MAN1A1: variants seen among roughly 807,000 people sequenced by gnomAD.
MAN1A1 encodes the protein mannosidase alpha class 1A member 1, also known as mannosyl-oligosaccharide 1,2-alpha-mannosidase IA.
In MAN1A1, 29 loss-of-function variants were observed where a neutral mutation model predicts 70.8. That is an observed-to-expected ratio of 0.41 (90% CI 0.31 to 0.56). The LOEUF is 0.56. Among genes scored for constraint, MAN1A1 ranks in the 20% least tolerant of loss-of-function variants. The pLI is 0.29. For synonymous variants in MAN1A1, 349 were observed against 330.1 expected (o/e 1.06, Z -0.62); for missense variants, 747 against 841.3 (o/e 0.89, Z 1.39).
Position 119,179,960 on chromosome 6 carries a change from A to AT in MAN1A1, c.1836-16dup, listed in dbSNP as rs1491295696. 4 of 1,612,828 alleles carry AT rather than the reference A, an allele frequency of 2.5e-6. No individual in the cohort carries two copies. The African/African-American group carries it at 4.0e-5, about 16-fold the overall frequency. On this transcript the variant is annotated splice_polypyrimidine_tract_variant and intron_variant, in intron 12 of 12. Coordinates refer to ENST00000368468, the MANE Select transcript of MAN1A1 (RefSeq NM_005907.4). ...GGTACAAATATCTGGTGAGAGAAACATAAGTATATGAGGCCCAAGACACTA... is the reference window on the plus strand; with the variant it reads ...GGTACAAATATCTGGTGAGAGAAACATTAAGTATATGAGGCCCAAGACACTA...
At chr6:119,221,916 T>C (rs1455315373) in intron 6 of MAN1A1, among the ~76,000 whole-genome samples, 1 of 152,242 alleles carries the variant, frequency 6.6e-6, no homozygotes, top group Non-Finnish European at 1.5e-5. Flanking sequence ...CCTATCTATA[T>C]AAAGCATAAT....
chr6:119,321,370 T>C (rs1161470560), intron 2 of MAN1A1, among the ~76,000 whole-genome samples: 5 of 152,222 alleles, frequency 3.3e-5, no homozygotes, highest in Non-Finnish European at 7.3e-5. Flanking sequence ...TATAAAATGC[T>C]GTCCTTGGCT....
At chr6:119,263,494 C>T (rs1028406671) in intron 5 of MAN1A1, among the ~76,000 whole-genome samples, 4 of 152,022 alleles carry the variant, frequency 2.6e-5, no homozygotes, top group Non-Finnish European at 4.4e-5. Flanking sequence ...GACACCGGGG[C>T]CTTCTTGAGA....
At chr6:119,345,087 C>T (rs1427349258) in intron 2 of MAN1A1, among the ~76,000 whole-genome samples, 2 of 151,720 alleles carry the variant, frequency 1.3e-5, no homozygotes, top group Non-Finnish European at 2.9e-5. Context: ...ACTCAGGTCT[C>T]CCCTTAATTT....
chr6:119,229,945 T>C (rs1447134357), intron 6 of MAN1A1, among the ~76,000 whole-genome samples: 2 of 152,142 alleles, frequency 1.3e-5, no homozygotes. Context: ...TGAACAGAAC[T>C]AAAAAATACA....
intron 5 of MAN1A1, among the ~76,000 whole-genome samples, chr6:119,251,796 A>G (rs1159975706): frequency 6.6e-6 from 1 of 152,224 alleles, no homozygotes; most frequent in Non-Finnish European, 1.5e-5. Flanking sequence ...CAGGGCTCCT[A>G]TGAGTAGTAG....
At chr6:119,301,439 A>C (rs918924262) in intron 4 of MAN1A1, among the ~76,000 whole-genome samples, 1 of 152,248 alleles carries the variant, frequency 6.6e-6, no homozygotes, top group African/African-American at 2.4e-5. Flanking sequence ...GATAGCATAC[A>C]GAATTTAAAA....
intron 3 of MAN1A1, among the ~76,000 whole-genome samples, chr6:119,302,682 T>C (rs568046829): frequency 4.7e-4 from 72 of 152,268 alleles, no homozygotes; most frequent in Admixed American, 8.5e-4. Flanking sequence ...ACCCGGCCTG[T>C]GATTGCATTC....
At chr6:119,259,386 T>C (rs777838386) in intron 5 of MAN1A1, among the ~76,000 whole-genome samples, 8 of 152,220 alleles carry the variant, frequency 5.3e-5, no homozygotes, top group African/African-American at 7.2e-5. Flanking sequence ...AATTACCATA[T>C]TATGTAGTAG....
Position 119,204,800 on chromosome 6 carries a change from G to A in MAN1A1, c.1075C>T (p.His359Tyr), listed in dbSNP as rs771625461. ...GGGTTTCCTGATAAGTGGCTCAAGT[G>A]CATAAACTCCAAATGCAGGGTTCCA... is the stretch of plus-strand genomic sequence containing the variant. ...EFGTLHLEFM[H>Y]LSHLSGNPIF... Residue 359 changes from histidine to tyrosine, a missense_variant, in exon 7 of 13, where the codon CAC (histidine) becomes TAC (tyrosine). His to Tyr is a moderately conservative substitution (Grantham distance 83). Coordinates refer to ENST00000368468, the MANE Select transcript of MAN1A1 (RefSeq NM_005907.4). The A allele has an allele frequency of 4.3e-6, 7 of 1,613,840 alleles. No homozygotes were observed. The South Asian group carries it at 5.5e-5, about 13-fold the overall frequency.
At chr6:119,314,921 T>C (rs1008272660) in intron 2 of MAN1A1, among the ~76,000 whole-genome samples, 1 of 152,160 alleles carries the variant, frequency 6.6e-6, no homozygotes, top group Admixed American at 6.5e-5. Flanking sequence ...GATGGTGTTG[T>C]CCTATTCGAC....
chr6:119,181,495 T>G (rs1332695369), intron 11 of MAN1A1, among the ~76,000 whole-genome samples: 2 of 150,734 alleles, frequency 1.3e-5, no homozygotes, highest in African/African-American at 2.4e-5. Context: ...ATGGGATGAC[T>G]CCACTGACAA....
intron 8 of MAN1A1, among the ~76,000 whole-genome samples, chr6:119,196,306 G>T (rs1773567377): frequency 7.6e-6 from 1 of 131,764 alleles, no homozygotes. Context: ...AAAATTTCCT[G>T]CCTATAAAAA....
chr6:119,238,809 G>A (rs994514382), intron 6 of MAN1A1, among the ~76,000 whole-genome samples: 4 of 152,160 alleles, frequency 2.6e-5, no homozygotes, highest in Non-Finnish European at 5.9e-5. Flanking sequence ...AATTTATAAT[G>A]TTAAACTCCC....
At chr6:119,231,761 G>T (rs565373242) in intron 6 of MAN1A1, among the ~76,000 whole-genome samples, 20 of 152,268 alleles carry the variant, frequency 1.3e-4, no homozygotes, top group African/African-American at 4.8e-4. Flanking sequence ...TGATCACAAA[G>T]ACGGGGAGAA....
chr6:119,272,644 A>G (rs1422595829), intron 5 of MAN1A1, among the ~76,000 whole-genome samples: 2 of 152,180 alleles, frequency 1.3e-5, no homozygotes, highest in African/African-American at 2.4e-5. Context: ...TGACTTCTAA[A>G]TGGTTAAGGA....
intron 6 of MAN1A1, among the ~76,000 whole-genome samples, chr6:119,235,317 T>C (rs1005173451): frequency 6.6e-6 from 1 of 152,080 alleles, no homozygotes; most frequent in Non-Finnish European, 1.5e-5. Flanking sequence ...TTAAAGGAAA[T>C]TAAAAGCTCC....
chr6:119,252,740 C>T (rs570557904), intron 5 of MAN1A1, among the ~76,000 whole-genome samples: 53 of 152,006 alleles, frequency 3.5e-4, no homozygotes, highest in African/African-American at 1.1e-3. Context: ...TGCAGTGAGC[C>T]GAGACTGCGT....
chr6:119,248,615 A>C (rs1337529388), intron 5 of MAN1A1, among the ~76,000 whole-genome samples: 2 of 152,172 alleles, frequency 1.3e-5, no homozygotes, highest in Admixed American at 1.3e-4. Context: ...ACTGATGTGA[A>C]CGTCTTACTC....
Sources: gnomAD v4.1 joint callset for allele counts (sites outside exome capture counted in the v4.1 genomes callset) on GRCh38, gnomAD v4.1.1 for gene constraint, MANE v1.5 for transcripts, NCBI Gene and HGNC (gene_info 2026-07-23, HGNC 2026-07-21) for gene names.